The following AFM variants were observed in gnomAD, a reference collection of about 807,000 sequenced individuals.
AFM encodes the protein afamin, also known as alpha-Alb.
A neutral mutation model predicts 68.7 loss-of-function variants in AFM; 82 were observed. The ratio of observed to expected loss-of-function variants is 1.19; its 90% CI spans 1.00 to 1.43. The LOEUF (loss-of-function observed/expected upper bound fraction) is 1.43, where lower values mean the gene tolerates loss of function less well. Ranked by LOEUF, AFM falls within the 40% of genes most tolerant of loss-of-function variation. The pLI is 0.00. For missense variants in AFM, 772 were observed against 701.8 expected (o/e 1.10, Z -1.13); for synonymous variants, 250 against 234.2 (o/e 1.07, Z -0.61).
At chr4:73,498,356 G>A (rs188592230) in intron 10 of AFM, among the ~76,000 whole-genome samples, 6 of 152,176 alleles carry the variant, frequency 3.9e-5, no homozygotes, top group African/African-American at 1.4e-4. Flanking sequence ...TGTGATCTCA[G>A]CTCACTGCAA....
At chr4:73,489,889 A>G (rs1721023649) in intron 7 of AFM, among the ~76,000 whole-genome samples, 1 of 152,152 alleles carries the variant, frequency 6.6e-6, no homozygotes, top group Non-Finnish European at 1.5e-5. Flanking sequence ...AACCTAGGTG[A>G]TAAGTTGACA....
chr4:73,488,497 C>A, intron 6 of AFM, 133 bp from the exon 7 acceptor site: 2 of 718,598 alleles, frequency 2.8e-6, no homozygotes, highest in South Asian at 2.2e-5. Flanking sequence ...TTGATAAAGA[C>A]TTCTATAAAA....
intron 8 of AFM, among the ~76,000 whole-genome samples, chr4:73,494,667 A>T (rs990470663): frequency 4.6e-5 from 7 of 152,242 alleles, no homozygotes; most frequent in African/African-American, 1.7e-4. Context: ...TGTTATGCCC[A>T]AAGTTTGATC....
intron 7 of AFM, 82 bp from the exon 8 acceptor site, chr4:73,491,790 A>G: frequency 9.0e-7 from 1 of 1,106,108 alleles, no homozygotes; most frequent in Non-Finnish European, 1.3e-6. Context: ...TGCGATCATG[A>G]CTGGTTTTGC....
chr4:73,484,478 CT>C (rs1296959403), intron 3 of AFM, 88 bp downstream of exon 3: 2 of 624,534 alleles, frequency 3.2e-6, no homozygotes, highest in Non-Finnish European at 5.0e-6. Flanking sequence ...TTCTTTCTTT[CT>C]TTCTTTCTTT....
At chr4:73,485,279 G>A (rs1198349850) in intron 3 of AFM, among the ~76,000 whole-genome samples, 1 of 152,152 alleles carries the variant, frequency 6.6e-6, no homozygotes, top group Non-Finnish European at 1.5e-5. Flanking sequence ...ACCTTGGGAG[G>A]TGAGTAGAAA....
chr4:73,499,432 C>T (rs913192013), intron 11 of AFM, among the ~76,000 whole-genome samples, 186 bp downstream of exon 11: 3 of 152,072 alleles, frequency 2.0e-5, no homozygotes, highest in Admixed American at 1.3e-4. Context: ...AACAGAATGT[C>T]TTCAATATTT....
At chr4:73,485,609 G>GAAGAGT (rs1354308901) in intron 3 of AFM, among the ~76,000 whole-genome samples, 2 of 146,380 alleles carry the variant, frequency 1.4e-5, no homozygotes, top group South Asian at 2.2e-4. Flanking sequence ...AGAGGAAGAG[G>GAAGAGT]AAGAGGAAGA....
chr4:73,482,730 A>G (rs1720748053), intron 1 of AFM, among the ~76,000 whole-genome samples: 1 of 152,208 alleles, frequency 6.6e-6, no homozygotes, highest in Non-Finnish European at 1.5e-5. Context: ...TGACAGTTGC[A>G]AAGTCTCCTA....
chr4:73,490,288 G>A (rs1486155827), intron 7 of AFM, among the ~76,000 whole-genome samples: 1 of 151,966 alleles, frequency 6.6e-6, no homozygotes, highest in African/African-American at 2.4e-5. Context: ...ATTGAGAAAT[G>A]TTTATTTCAA....
At chr4:73,484,466 CTTT>C in intron 3 of AFM, 76 bp downstream of exon 3, 1 of 526,592 alleles carries the variant, frequency 1.9e-6, no homozygotes, top group Non-Finnish European at 3.1e-6. Flanking sequence ...TTCTTTCTTT[CTTT>C]CTTTCTTTCT....
intron 8 of AFM, among the ~76,000 whole-genome samples, chr4:73,493,178 A>G (rs568420157): frequency 6.6e-6 from 1 of 152,256 alleles, no homozygotes; most frequent in South Asian, 2.1e-4. Flanking sequence ...GCAGCGAGAG[A>G]CCAGCATGGT....
rs757538746 is a variant in AFM at position 73,486,979 on chromosome 4, A to G, written c.495A>G (p.Glu165=). ...TTATTTTTTATAGCTTTTTATATGAAGTTGCCAGAAGGAACCCATTTGTCT... is the reference window on the plus strand; with the variant it reads ...TTATTTTTTATAGCTTTTTATATGAGGTTGCCAGAAGGAACCCATTTGTCT... ...RESLLNHFLY[E]VARRNPFVFA... is the part of the protein sequence containing the mutation. The change falls in exon 5 of 15, where the codon GAA becomes GAG. Residue 165 remains glutamate, a synonymous_variant. Transcript: ENST00000226355. 8.1e-6 allele frequency: 13 copies of G among 1,612,266 alleles called. No homozygotes were observed. Among genetic ancestry groups the G allele is most frequent in the Non-Finnish European group, 5.1e-6 (6 of 1,179,392 alleles).
At chr4:73,486,177 T>C (rs890483772) in intron 4 of AFM, 104 bp downstream of exon 4, 5 of 963,760 alleles carry the variant, frequency 5.2e-6, no homozygotes, top group Non-Finnish European at 7.7e-6. Context: ...AATTTATTGA[T>C]TAATTGTTTC....
chr4:73,499,908 G>A (rs1296036500), intron 11 of AFM, 96 bp from the exon 12 acceptor site: 1 of 1,005,754 alleles, frequency 9.9e-7, no homozygotes, highest in African/African-American at 1.6e-5. Flanking sequence ...GGTTAACAGT[G>A]ATCTTAGAAA....
chr4:73,490,680 A>C (rs934381383), intron 7 of AFM, among the ~76,000 whole-genome samples: 5 of 152,104 alleles, frequency 3.3e-5, no homozygotes, highest in African/African-American at 1.2e-4. Flanking sequence ...ATTAGGATAT[A>C]ATTATAGATT....
chr4:73,488,961 A>G (rs1720992828), intron 7 of AFM, among the ~76,000 whole-genome samples: 1 of 152,230 alleles, frequency 6.6e-6, no homozygotes, highest in South Asian at 2.1e-4. Flanking sequence ...TTTAAAGATT[A>G]CTGAATAGAT....
Position 73,487,822 on chromosome 4 carries a change from G to T in AFM, c.713+1G>T, listed in dbSNP as rs200258630. On this transcript the variant is annotated splice_donor_variant, in intron 6 of 14. Coordinates refer to ENST00000226355, the MANE Select transcript of AFM (RefSeq NM_001133.2). LOFTEE classifies it high-confidence loss of function. Reference sequence around the variant, plus strand: ...TTGGAACCAAAGTTGTACACTTTATGTGAGTTTTATACTATATGTCTTGTC... The same window carrying T: ...TTGGAACCAAAGTTGTACACTTTATTTGAGTTTTATACTATATGTCTTGTC... 142 of 1,580,992 alleles carry T rather than the reference G, an allele frequency of 9.0e-5. No homozygotes were observed. Among genetic ancestry groups the T allele is most frequent in the Middle Eastern group, 1.7e-4 (1 of 6,048 alleles).
intron 3 of AFM, among the ~76,000 whole-genome samples, chr4:73,484,830 C>T (rs1390139828): frequency 6.6e-6 from 1 of 152,170 alleles, no homozygotes; most frequent in Non-Finnish European, 1.5e-5. Flanking sequence ...AGCCACTGTG[C>T]CCTGCCAATT....
Sources: gnomAD v4.1 joint callset for allele counts (sites outside exome capture counted in the v4.1 genomes callset) on GRCh38, gnomAD v4.1.1 for gene constraint, MANE v1.5 for transcripts, NCBI Gene and HGNC (gene_info 2026-07-23, HGNC 2026-07-21) for gene names.